The following PTPRJ variants were observed in gnomAD, a reference collection of about 807,000 sequenced individuals.
The protein encoded by PTPRJ is protein tyrosine phosphatase receptor type J.
A neutral mutation model predicts 141.3 loss-of-function variants in PTPRJ; 129 were observed. The ratio of observed to expected loss-of-function variants is 0.91; its 90% CI spans 0.79 to 1.06. PTPRJ has a LOEUF of 1.06. Ranked by LOEUF, PTPRJ falls within the 50% of genes least tolerant of loss-of-function variation. The pLI is 0.00. For missense variants in PTPRJ, 1,601 were observed against 1,679.7 expected (o/e 0.95, Z 0.82); for synonymous variants, 610 against 640.5 (o/e 0.95, Z 0.72).
chr11:48,141,532 C>T (rs1270872392), intron 11 of PTPRJ, among the ~76,000 whole-genome samples: 1 of 152,168 alleles, frequency 6.6e-6, no homozygotes, highest in East Asian at 1.9e-4. Flanking sequence ...TCTCCCACCT[C>T]ATCTGTGATT....
At chr11:48,121,979 G>A (rs960509445) in intron 4 of PTPRJ, among the ~76,000 whole-genome samples, 1 of 152,068 alleles carries the variant, frequency 6.6e-6, no homozygotes. Context: ...TGGAGCCCAC[G>A]GCTGGAGGTG....
At chr11:48,138,874 C>T (rs12273137) in intron 10 of PTPRJ, among the ~76,000 whole-genome samples, 1,598 of 152,264 alleles carry the variant, frequency 0.01, 25 homozygotes, top group African/African-American at 0.036. Flanking sequence ...GTGGCTCACA[C>T]CTATAATCCC....
rs146776395 is a variant in PTPRJ at position 48,090,000 on chromosome 11, C to T, written c.97-20058C>T. Among the ~76,000 whole-genome samples, 960 of 152,310 alleles carry T rather than the reference C, an allele frequency of 6.3e-3. 4 individuals carry two copies. The highest frequency in any genetic ancestry group is 9.6e-3 in the Non-Finnish European group (652 of 68,034). ...TGTAAGATCCTTAGAGCACTGCTGC[C>T]GGATGGTCATCTCATAGTAGGTATT... On this transcript the variant is annotated intron_variant, in intron 1 of 24. Transcript: ENST00000418331.
chr11:48,017,411 T>C (rs1256995461), intron 1 of PTPRJ, among the ~76,000 whole-genome samples: 2 of 152,200 alleles, frequency 1.3e-5, no homozygotes, highest in African/African-American at 4.8e-5. Flanking sequence ...AAGATGATGA[T>C]ATAATAATGT....
intron 1 of PTPRJ, among the ~76,000 whole-genome samples, chr11:48,052,242 A>G (rs1854589490): frequency 6.6e-6 from 1 of 152,256 alleles, no homozygotes; most frequent in Non-Finnish European, 1.5e-5. Flanking sequence ...GTCTGTGAAC[A>G]TAGTAGAGGC....
chr11:48,051,115 A>C (rs1475823093), intron 1 of PTPRJ, among the ~76,000 whole-genome samples: 4 of 31,368 alleles, frequency 1.3e-4, no homozygotes, highest in African/African-American at 6.3e-4. Context: ...TTTTTTTTTG[A>C]GATGGAATCT....
At chr11:48,009,664 C>G (rs1159744482) in intron 1 of PTPRJ, among the ~76,000 whole-genome samples, 1 of 152,204 alleles carries the variant, frequency 6.6e-6, no homozygotes, top group Non-Finnish European at 1.5e-5. Flanking sequence ...ATATGTGGTG[C>G]ACTATAATGT....
chr11:48,005,487 G>A (rs1220616175), intron 1 of PTPRJ, among the ~76,000 whole-genome samples: 1 of 152,192 alleles, frequency 6.6e-6, no homozygotes, highest in East Asian at 1.9e-4. Context: ...GCCTAGCATA[G>A]TGTTTTCAAG....
At chr11:48,085,068 A>G (rs1375268972) in intron 1 of PTPRJ, among the ~76,000 whole-genome samples, 2 of 152,202 alleles carry the variant, frequency 1.3e-5, no homozygotes, top group African/African-American at 4.8e-5. Context: ...CAGCAAAGAA[A>G]AATATCCACA....
intron 1 of PTPRJ, among the ~76,000 whole-genome samples, chr11:48,060,275 A>G (rs1854882542): frequency 6.6e-6 from 1 of 152,202 alleles, no homozygotes; most frequent in Non-Finnish European, 1.5e-5. Context: ...TTTTTGAAAA[A>G]TGTTTTCGAG....
At chr11:48,147,993 C>T (rs550450158) in intron 15 of PTPRJ, among the ~76,000 whole-genome samples, 221 of 151,978 alleles carry the variant, frequency 1.5e-3, no homozygotes, top group Non-Finnish European at 2.0e-3. Flanking sequence ...TTACAGGCAC[C>T]GCCACCACAC....
chr11:48,146,069 G>A (rs1269636401), intron 14 of PTPRJ, among the ~76,000 whole-genome samples: 2 of 152,112 alleles, frequency 1.3e-5, no homozygotes, highest in Non-Finnish European at 2.9e-5. Context: ...CTGAACTCCT[G>A]GCCTCAAGCC....
Position 48,100,669 on chromosome 11 carries a change from G to T in PTPRJ, c.97-9389G>T, listed in dbSNP as rs184720739. On this transcript the variant is annotated intron_variant, in intron 1 of 24. Transcript: ENST00000418331. ...AGGCCAAGGCGGGTGGATCACCGGAGGTCAGGAGTTTGAGACCAGCCTAGC... is the reference window on the plus strand; with the variant it reads ...AGGCCAAGGCGGGTGGATCACCGGATGTCAGGAGTTTGAGACCAGCCTAGC... Among the ~76,000 whole-genome samples the T allele has an allele frequency of 2.8e-3, 429 of 152,222 alleles. 2 individuals are homozygous for T. The highest frequency in any genetic ancestry group is 1.0e-2 in the African/African-American group (415 of 41,522).
chr11:48,029,319 C>G (rs981799650), intron 1 of PTPRJ, among the ~76,000 whole-genome samples: 7 of 152,062 alleles, frequency 4.6e-5, no homozygotes, highest in African/African-American at 1.7e-4. Flanking sequence ...TATGATTTTG[C>G]TAGAGGGAAA....
Position 48,039,337 on chromosome 11 carries a change from TA to T in PTPRJ, c.96+58341del, listed in dbSNP as rs573653186. 1.1e-3 allele frequency among the ~76,000 whole-genome samples: 153 copies of T among 143,346 alleles called. 1 individual carries two copies. The highest frequency in any genetic ancestry group is 3.5e-3 in the Middle Eastern group (1 of 284). 94.0% of individuals were successfully genotyped at this position (143,346 alleles called of 152,430 possible). The stretch of plus-strand genomic sequence containing the variant: ...GGCAAAACCTGCGGCTTAGAGAGGT[TA>T]AAAAAAAAAAACAACAAACTGCCTC... On this transcript the variant is annotated intron_variant, in intron 1 of 24. Transcript: ENST00000418331.
chr11:48,064,246 A>G (rs1855017051), intron 1 of PTPRJ, among the ~76,000 whole-genome samples: 1 of 151,930 alleles, frequency 6.6e-6, no homozygotes, highest in Admixed American at 6.6e-5. Context: ...TTCATGTATA[A>G]TTTTGTGAGT....
intron 1 of PTPRJ, among the ~76,000 whole-genome samples, chr11:47,982,079 C>T (rs1337625538): frequency 1.2e-4 from 18 of 152,238 alleles, no homozygotes; most frequent in African/African-American, 4.3e-4. Flanking sequence ...CAGGAGAGAG[C>T]AGAAGCATCA....
intron 1 of PTPRJ, among the ~76,000 whole-genome samples, chr11:48,002,888 T>C (rs1181279325): frequency 6.6e-6 from 1 of 152,174 alleles, no homozygotes; most frequent in Non-Finnish European, 1.5e-5. Context: ...TAAAAAAATT[T>C]ATTTTTTCCT....
At position 48,039,149 on chromosome 11, in the gene PTPRJ, C is replaced by CAA. The variant is rs779545929; in HGVS notation, c.96+58156_96+58157dup. 2.8e-3 allele frequency among the ~76,000 whole-genome samples: 252 copies of CAA among 89,224 alleles called. 2 individuals carry two copies. The highest frequency in any genetic ancestry group is 8.8e-3 in the African/African-American group (237 of 26,846). The allele number at this position is 89,224 out of a possible 152,430, so 58.5% of individuals were successfully genotyped here. ...TGGGTGACAGAGCGAGAGTCTGTCT[C>CAA]AAAAAAAAAAAAAAAAGAAAAAGAC... On this transcript the variant is annotated intron_variant, in intron 1 of 24. Transcript: ENST00000418331.
Sources: gnomAD v4.1 joint callset for allele counts (sites outside exome capture counted in the v4.1 genomes callset) on GRCh38, gnomAD v4.1.1 for gene constraint, MANE v1.5 for transcripts, NCBI Gene and HGNC (gene_info 2026-07-23, HGNC 2026-07-21) for gene names.